The following GRN variants were observed in gnomAD, a reference collection of about 807,000 sequenced individuals.
The protein encoded by GRN is granulin precursor.
GRN carries 30 observed loss-of-function variants against 66.7 expected under a neutral mutation model. The ratio of observed to expected loss-of-function variants is 0.45; its 90% CI spans 0.34 to 0.61. The LOEUF (loss-of-function observed/expected upper bound fraction) is 0.61, where lower values mean the gene tolerates loss of function less well. Among genes scored for constraint, GRN ranks in the 20% least tolerant of loss-of-function variants. The pLI is 0.01. For synonymous variants in GRN, 327 were observed against 311.1 expected (o/e 1.05, Z -0.54); for missense variants, 731 against 803.5 (o/e 0.91, Z 1.09).
intron 9 of GRN, 42 bp from the exon 10 acceptor site, chr17:44,351,508 G>A (rs2048374168): frequency 6.2e-7 from 1 of 1,613,610 alleles, no homozygotes; most frequent in Non-Finnish European, 8.5e-7. Flanking sequence ...GTGGCAGGCA[G>A]CCGGGCCCCA....
Position 44,352,393 on chromosome 17 carries a change from A to G in GRN, c.1466A>G (p.Asn489Ser), listed in dbSNP as rs1483111002. ...TGCTGCCCGGCTGGCTACACCTGCAACGTGAAGGCTCGATCCTGCGAGAAG... is the reference window on the plus strand; with the variant it reads ...TGCTGCCCGGCTGGCTACACCTGCAGCGTGAAGGCTCGATCCTGCGAGAAG... The part of the protein sequence containing the change: ...QHCCPAGYTC[N>S]VKARSCEKEV... Residue 489 changes from asparagine (N) to serine (S), a missense_variant, in exon 12 of 13, where the codon AAC becomes AGC. Physicochemically the swap from Asn to Ser is conservative, Grantham distance 46 (BLOSUM62 1). Around this residue, in one of 3 missense-constraint regions of GRN, gnomAD observed 319 missense variants for 347.2 expected, o/e 0.92. Coordinates refer to ENST00000053867, the MANE Select transcript of GRN (RefSeq NM_002087.4). The G allele has an allele frequency of 6.2e-7, 1 of 1,614,000 alleles. No homozygotes were observed. Among genetic ancestry groups the G allele is most frequent in the Non-Finnish European group, 8.5e-7 (1 of 1,180,022 alleles).
chr17:44,350,355 G>T lies in GRN; in HGVS notation c.462+15G>T, dbSNP rs1221550022. On this transcript the variant is annotated intron_variant, in intron 5 of 12. Coordinates refer to ENST00000053867, the MANE Select transcript of GRN (RefSeq NM_002087.4). ...CCATGCCCCAGGTACAAATCTGGGGGAGATGGGGGTATGTGGAGGGAAGTG... is the reference window on the plus strand; with the variant it reads ...CCATGCCCCAGGTACAAATCTGGGGTAGATGGGGGTATGTGGAGGGAAGTG... The T allele has an allele frequency of 1.2e-6, 2 of 1,610,064 alleles. No individual in the cohort carries two copies. The highest frequency in any genetic ancestry group is 1.7e-5 in the Admixed American group (1 of 59,966).
At chr17:44,350,990 G>A in intron 7 of GRN, 47 bp from the exon 8 acceptor site, 1 of 1,606,582 alleles carries the variant, frequency 6.2e-7, no homozygotes, top group Non-Finnish European at 8.5e-7. Flanking sequence ...CTCCCTGTGT[G>A]CTACTGAGCC....
Position 44,349,172 on chromosome 17 carries a change from C to A in GRN, c.8C>A (p.Thr3Asn). 1 of 1,614,108 alleles carries A rather than the reference C, an allele frequency of 6.2e-7. No individual in the cohort carries two copies. The highest frequency in any genetic ancestry group is 2.2e-5 in the East Asian group (1 of 44,888). Residue 3 changes from threonine (T) to asparagine (N), a missense_variant, in exon 2 of 13, where the codon ACC becomes AAC. By Grantham distance (65) the Thr-to-Asn change is moderately conservative. Coordinates refer to ENST00000053867, the MANE Select transcript of GRN (RefSeq NM_002087.4). Reference sequence around the variant, plus strand: ...GTACTTTGCAGGCAGACCATGTGGACCCTGGTGAGCTGGGTGGCCTTAACA... The same window carrying A: ...GTACTTTGCAGGCAGACCATGTGGAACCTGGTGAGCTGGGTGGCCTTAACA... MWTLVSWVALTAG... is the reference protein window; with the variant it reads MWNLVSWVALTAG...
chr17:44,352,133 G>A lies in GRN; in HGVS notation c.1298G>A (p.Arg433Gln), dbSNP rs114248177. The A allele has an allele frequency of 4.2e-4, 677 of 1,613,822 alleles. 3 individuals are homozygous for A. The African/African-American group carries it at 7.8e-3, about 19-fold the overall frequency. Residue 433 changes from arginine (R) to glutamine (Q), a missense_variant, in exon 11 of 13, where the codon CGG becomes CAG. Transcript: ENST00000053867. ...VAGLEKMPAR[R>Q]ASLSHPRDIG... ...GGACTGGAGAAGATGCCTGCCCGCC[G>A]GGCTTCCTTATCCCACCCCAGAGAC...
At position 44,350,162 on chromosome 17, in the gene GRN, C is replaced by T. The variant is rs2084772313; in HGVS notation, c.350-66C>T. 4.5e-6 allele frequency: 5 copies of T among 1,112,458 alleles called. 1 individual carries two copies. The Middle Eastern group carries it at 7.8e-4, about 173-fold the overall frequency. 68.9% of individuals were successfully genotyped at this position (1,112,458 alleles called of 1,614,324 possible). On this transcript the variant is annotated intron_variant, in intron 4 of 12. Coordinates refer to ENST00000053867, the MANE Select transcript of GRN (RefSeq NM_002087.4). ...TTGCAGGCCCTGGTGCCACCAGCTC[C>T]TTGTGTGATGGGGGAGTCACCTTCC... is the stretch of plus-strand genomic sequence containing the variant.
rs765558852 is a variant in GRN at position 44,349,529 on chromosome 17, C to T, written c.242C>T (p.Ser81Phe). The T allele has an allele frequency of 7.4e-6, 12 of 1,614,204 alleles. No individual in the cohort carries two copies. Among genetic ancestry groups the T allele is most frequent in the South Asian group, 6.6e-5 (6 of 91,090 alleles). The change falls in exon 3 of 13, where the codon TCC (serine) becomes TTC (phenylalanine). Residue 81 changes from serine to phenylalanine, a missense_variant. By Grantham distance (155) the Ser-to-Phe change is radical. Coordinates refer to ENST00000053867, the MANE Select transcript of GRN (RefSeq NM_002087.4). ...TGCATCTTTACCGTCTCAGGGACTTCCAGTTGCTGCCCCTTCCCAGAGGTG... is the reference window on the plus strand; with the variant it reads ...TGCATCTTTACCGTCTCAGGGACTTTCAGTTGCTGCCCCTTCCCAGAGGTG... ...HSCIFTVSGT[S>F]SCCPFPEAVA...
At chr17:44,351,825 G>C in intron 10 of GRN, 30 bp downstream of exon 10, 1 of 1,607,258 alleles carries the variant, frequency 6.2e-7, no homozygotes, top group Non-Finnish European at 8.5e-7. Flanking sequence ...ATCTTGGCCT[G>C]GGCAGGTGGG....
chr17:44,351,785 C>T lies in GRN; in HGVS notation c.1169C>T (p.Pro390Leu), dbSNP rs2048377564. ...ACGTCTGGGGAGTGGGGCTGCTGTC[C>T]AATCCCAGAGGTATATGGGAGGGGA... The part of the protein sequence containing the change: ...QLTSGEWGCC[P>L]IPEAVCCSDH... The change falls in exon 10 of 13, where the codon CCA becomes CTA. Residue 390 changes from proline (P) to leucine (L), a missense_variant. Around this residue, in one of 3 missense-constraint regions of GRN, gnomAD observed 319 missense variants for 347.2 expected, o/e 0.92. Transcript: ENST00000053867. 6.2e-7 allele frequency: 1 copy of T among 1,613,300 alleles called. No homozygotes were observed. The highest frequency in any genetic ancestry group is 8.5e-7 in the Non-Finnish European group (1 of 1,179,896).
Position 44,349,864 on chromosome 17 carries a change from T to C in GRN, c.349+113T>C, listed in dbSNP as rs1192688210. ...ATTCCTGCCCTTGTGCCCTCATTCA[T>C]GTGGCATCTGTACTAAGCAACAGCC... On this transcript the variant is annotated intron_variant, in intron 4 of 12. Transcript: ENST00000053867. 9 of 744,012 alleles carry C rather than the reference T, an allele frequency of 1.2e-5. No homozygotes were observed. In the Admixed American group the frequency reaches 1.2e-4, roughly 10 times the overall value. The allele number at this position is 744,012 out of a possible 1,614,324, so 46.1% of individuals were successfully genotyped here.
At chr17:44,348,904 G>T (rs2048344994) in intron 1 of GRN, among the ~76,000 whole-genome samples, 1 of 152,266 alleles carries the variant, frequency 6.6e-6, no homozygotes, top group African/African-American at 2.4e-5. Flanking sequence ...TGGGGACTCA[G>T]ACCCACACAT....
chr17:44,348,354 G>A (rs868625098), intron 1 of GRN, among the ~76,000 whole-genome samples: 12 of 152,190 alleles, frequency 7.9e-5, no homozygotes, highest in African/African-American at 2.2e-4. Context: ...GTGGGCACAC[G>A]TGGTCTCTCT....
At position 44,352,490 on chromosome 17, in the gene GRN, T is replaced by C. The variant is rs757654207; in HGVS notation, c.1563T>C (p.Cys521=). 6.2e-7 allele frequency: 1 copy of C among 1,613,996 alleles called. No homozygotes were observed. Among genetic ancestry groups the C allele is most frequent in the South Asian group, 1.1e-5 (1 of 91,078 alleles). ...ACGTGGGTGTGAAGGACGTGGAGTG[T>C]GGGGAAGGACACTTCTGCCATGATA... The part of the protein sequence containing the change: ...SPHVGVKDVE[C]GEGHFCHDNQ... The change falls in exon 12 of 13, where the codon TGT becomes TGC. Residue 521 remains cysteine, a synonymous_variant. Transcript: ENST00000053867.
intron 1 of GRN, 76 bp from the exon 2 acceptor site, chr17:44,349,082 T>G (rs2048346480): frequency 6.6e-7 from 1 of 1,520,836 alleles, no homozygotes; most frequent in African/African-American, 1.4e-5. Context: ...GGCCTGGGGC[T>G]AGGGTACTGA....
At chr17:44,348,526 G>A (rs1049874972) in intron 1 of GRN, among the ~76,000 whole-genome samples, 1 of 152,214 alleles carries the variant, frequency 6.6e-6, no homozygotes, top group South Asian at 2.1e-4. Flanking sequence ...TGGGTGAGGA[G>A]GGGACATTCA....
chr17:44,347,064 C>T lies in GRN; in HGVS notation c.-8+1730C>T, dbSNP rs114110974. On this transcript the variant is annotated intron_variant, in intron 1 of 12. Transcript: ENST00000053867. The stretch of plus-strand genomic sequence containing the variant: ...CCTGGGAGGCGGAGTTCGCAGTAAG[C>T]TGAGATCGCGCCACTGTACTACAGC... Among the ~76,000 whole-genome samples, 1,014 of 151,750 alleles carry T rather than the reference C, an allele frequency of 6.7e-3. 11 individuals are homozygous for T. The highest frequency in any genetic ancestry group is 0.023 in the African/African-American group (965 of 41,360).
chr17:44,351,699 G>C lies in GRN; in HGVS notation c.1083G>C (p.Lys361Asn). 1 of 1,614,032 alleles carries C rather than the reference G, an allele frequency of 6.2e-7. No homozygotes were observed. The highest frequency in any genetic ancestry group is 1.6e-4 in the Middle Eastern group (1 of 6,062). ...GCCTGCCAGACCCACAAGCCTTGAA[G>C]AGAGATGTCCCCTGTGATAATGTCA... Reference protein sequence around the residue: ...HLSLPDPQALKRDVPCDNVSS... With the variant: ...HLSLPDPQALNRDVPCDNVSS... Residue 361 changes from lysine (K) to asparagine (N), a missense_variant, in exon 10 of 13, where the codon AAG becomes AAC. By Grantham distance (94) the Lys-to-Asn change is moderately conservative. This residue lies in a region of GRN where 319 missense variants were observed against 347.2 expected (regional missense o/e 0.92). Transcript: ENST00000053867.
Position 44,351,636 on chromosome 17 carries a change from C to T in GRN, c.1020C>T (p.His340=), listed in dbSNP as rs762492926. ...AGGGTACCTGTGAACAGGGGCCCCA[C>T]CAGGTGCCCTGGATGGAGAAGGCCC... ...TQKGTCEQGP[H]QVPWMEKAPA... Residue 340 remains histidine, a synonymous_variant, in exon 10 of 13, where the codon CAC becomes CAT. Coordinates refer to ENST00000053867, the MANE Select transcript of GRN (RefSeq NM_002087.4). 7 of 1,614,024 alleles carry T rather than the reference C, an allele frequency of 4.3e-6. No homozygotes were observed. The highest frequency in any genetic ancestry group is 2.2e-5 in the East Asian group (1 of 44,880).
intron 1 of GRN, among the ~76,000 whole-genome samples, chr17:44,347,424 G>C (rs1469577176): frequency 6.6e-6 from 1 of 151,960 alleles, no homozygotes; most frequent in South Asian, 2.1e-4. Flanking sequence ...GAGTAGCTGG[G>C]ATTGCAGGTG....
Sources: gnomAD v4.1 joint callset for allele counts (sites outside exome capture counted in the v4.1 genomes callset) on GRCh38, gnomAD v4.1.1 for gene constraint, gnomAD v4.1.1 regional missense constraint, MANE v1.5 for transcripts, NCBI Gene and HGNC (gene_info 2026-07-23, HGNC 2026-07-21) for gene names.